The following CCDC178 variants were observed in gnomAD, a reference collection of about 807,000 sequenced individuals.
CCDC178 encodes the protein coiled-coil domain-containing protein 178.
In CCDC178, 126 loss-of-function variants were observed where a neutral mutation model predicts 117.4. That is an observed-to-expected ratio of 1.07 (90% CI 0.93 to 1.24). The LOEUF (loss-of-function observed/expected upper bound fraction) is 1.24. Ranked by LOEUF, CCDC178 falls within the 50% of genes most tolerant of loss-of-function variation. The probability of loss-of-function intolerance (pLI) is 0.00; values close to 1 mark genes in which losing one functional copy is unlikely to be tolerated. For synonymous variants in CCDC178, 283 were observed against 313.4 expected, an observed-to-expected ratio of 0.90 and a Z score of 1.02; for missense variants, 1,030 against 986.9, an observed-to-expected ratio of 1.04 and a Z score of -0.59.
chr18:33,407,017 A>G (rs2063790651), intron 3 of CCDC178, among the ~76,000 whole-genome samples: 1 of 152,182 alleles, frequency 6.6e-6, no homozygotes, highest in South Asian at 2.1e-4. Flanking sequence ...CTACCTTAAT[A>G]AAAAATGGAG....
intron 11 of CCDC178, among the ~76,000 whole-genome samples, chr18:33,318,053 C>T (rs2062444948): frequency 6.6e-6 from 1 of 152,136 alleles, no homozygotes; most frequent in Non-Finnish European, 1.5e-5. Context: ...GGGAAGTTGA[C>T]TACCTATTTC....
intron 6 of CCDC178, among the ~76,000 whole-genome samples, chr18:33,364,310 A>T (rs916342361): frequency 6.6e-6 from 1 of 152,114 alleles, no homozygotes; most frequent in African/African-American, 2.4e-5. Context: ...ATAAATGGTT[A>T]CTTTGCTCAA....
intron 5 of CCDC178, among the ~76,000 whole-genome samples, chr18:33,378,454 T>C (rs571246030): frequency 6.6e-6 from 1 of 152,282 alleles, no homozygotes; most frequent in Non-Finnish European, 1.5e-5. Context: ...CTGATTGCTA[T>C]GGCAAGGACT....
chr18:33,035,441 G>T (rs2144875225), intron 21 of CCDC178, among the ~76,000 whole-genome samples: 1 of 151,984 alleles, frequency 6.6e-6, no homozygotes, highest in South Asian at 2.1e-4. Flanking sequence ...TCATAAAAAA[G>T]AATAAAATCC....
chr18:33,278,059 A>C (rs1470665146), intron 12 of CCDC178, among the ~76,000 whole-genome samples: 1 of 151,988 alleles, frequency 6.6e-6, no homozygotes, highest in Non-Finnish European at 1.5e-5. Flanking sequence ...ACCAAAGCCC[A>C]AACTTGCATC....
At chr18:33,340,908 C>T (rs1175260274) in intron 9 of CCDC178, among the ~76,000 whole-genome samples, 1 of 152,140 alleles carries the variant, frequency 6.6e-6, no homozygotes, top group South Asian at 2.1e-4. Context: ...TTGGAGCCCC[C>T]AACAGAGTCC....
intron 10 of CCDC178, among the ~76,000 whole-genome samples, chr18:33,327,914 T>C (rs535925597): frequency 6.6e-6 from 1 of 152,192 alleles, no homozygotes; most frequent in African/African-American, 2.4e-5. Flanking sequence ...CCGTTTGAGA[T>C]ACATATAATT....
chr18:33,389,738 A>G, intron 4 of CCDC178, 109 bp from the exon 5 acceptor site: 1 of 430,302 alleles, frequency 2.3e-6, no homozygotes, highest in East Asian at 3.8e-5. Context: ...TCTCCTTAAA[A>G]GAAAAACAAC....
rs576176377 is a variant in CCDC178, at chr18:33,172,220, T to C, written c.2238+39676A>G. Among the ~76,000 whole-genome samples the C allele has an allele frequency of 2.2e-4, 34 of 152,282 alleles. No homozygotes were observed. In the South Asian group the frequency reaches 6.8e-3, roughly 31 times the overall value. On this transcript the variant is annotated intron_variant, in intron 20 of 22. Transcript: ENST00000383096. ...AATTCTTTTTAAAACAAAAGACCAT[T>C]TTAAAATACAATTAATACCACTTGA...
chr18:33,127,159 T>C (rs1013847819), intron 20 of CCDC178, among the ~76,000 whole-genome samples: 4 of 152,086 alleles, frequency 2.6e-5, no homozygotes, highest in South Asian at 4.1e-4. Context: ...TGCTTTTATA[T>C]GTTGAAATCT....
chr18:33,362,079 A>C (rs186943689), intron 6 of CCDC178, among the ~76,000 whole-genome samples: 3 of 151,890 alleles, frequency 2.0e-5, no homozygotes, highest in Admixed American at 2.0e-4. Flanking sequence ...TAAGTGAATA[A>C]AGAAAATGTA....
intron 2 of CCDC178, among the ~76,000 whole-genome samples, chr18:33,431,191 C>CT (rs35139388): frequency 0.57 from 66,831 of 117,274 alleles, 17,987 homozygotes; most frequent in South Asian, 0.75. Context: ...AATGATTTAA[C>CT]TTTTTTTTTT....
At chr18:33,096,509 T>C (rs1056305862) in intron 20 of CCDC178, among the ~76,000 whole-genome samples, 1 of 151,608 alleles carries the variant, frequency 6.6e-6, no homozygotes, top group African/African-American at 2.4e-5. Flanking sequence ...ATATAATAAA[T>C]AACAACTGAG....
intron 20 of CCDC178, among the ~76,000 whole-genome samples, chr18:33,143,397 C>G (rs568171370): frequency 6.6e-6 from 1 of 152,098 alleles, no homozygotes; most frequent in African/African-American, 2.4e-5. Flanking sequence ...GCTACGTGTT[C>G]TCATCACATT....
chr18:33,406,770 TA>T (rs2063787040), intron 3 of CCDC178, among the ~76,000 whole-genome samples: 1 of 151,700 alleles, frequency 6.6e-6, no homozygotes, highest in African/African-American at 2.4e-5. Flanking sequence ...CCATGGGGAG[TA>T]AAGGAGAGGC....
At chr18:33,248,981 A>G (rs563108917) in intron 14 of CCDC178, among the ~76,000 whole-genome samples, 1 of 151,970 alleles carries the variant, frequency 6.6e-6, no homozygotes, top group Non-Finnish European at 1.5e-5. Flanking sequence ...AGATGGTATC[A>G]CATTGTGGTT....
intron 19 of CCDC178, among the ~76,000 whole-genome samples, chr18:33,214,830 C>T (rs370630120): frequency 1.6e-4 from 24 of 152,042 alleles, no homozygotes; most frequent in South Asian, 8.3e-4. Context: ...GACACTTTAT[C>T]CCTCAAGCAT....
chr18:33,311,329 C>T (rs568374962), intron 11 of CCDC178, among the ~76,000 whole-genome samples: 1 of 152,298 alleles, frequency 6.6e-6, no homozygotes, highest in South Asian at 2.1e-4. Flanking sequence ...TAGAGCTAGA[C>T]ACTCTCATCT....
chr18:33,362,494 G>A (rs2144732859), intron 6 of CCDC178, among the ~76,000 whole-genome samples: 1 of 151,656 alleles, frequency 6.6e-6, no homozygotes, highest in Non-Finnish European at 1.5e-5. Flanking sequence ...TAAAACATGA[G>A]GACTAAAGTT....
Sources: allele counts gnomAD v4.1 joint callset (sites outside exome capture counted in the v4.1 genomes callset), GRCh38; gene constraint gnomAD v4.1.1; transcripts MANE v1.5; gene names NCBI Gene and HGNC (gene_info 2026-07-23, HGNC 2026-07-21).